Variants in RPA3 observed in about 807,000 individuals in gnomAD.
RPA3 encodes the protein replication protein A 14 kDa subunit.
Under a neutral mutation model 13.7 loss-of-function variants are expected in RPA3, and 24 were observed. The observed-to-expected ratio is 1.75, with a 90% confidence interval of 1.27 to 2.46. RPA3 has a LOEUF of 2.46. Among genes scored for constraint, RPA3 ranks in the 30% most tolerant of loss-of-function variants. The probability of loss-of-function intolerance (pLI) is 0.00; values close to 1 mark genes in which losing one functional copy is unlikely to be tolerated. For synonymous variants in RPA3, 59 were observed against 51.2 expected (o/e 1.15, Z -0.65); for missense variants, 183 against 151.0 (o/e 1.21, Z -1.11).
intron 2 of RPA3, among the ~76,000 whole-genome samples, chr7:7,712,044 T>G (rs1327344170): frequency 2.0e-5 from 3 of 152,138 alleles, no homozygotes; most frequent in African/African-American, 7.2e-5. Context: ...AGCTTACTCT[T>G]ACATATATAG....
At position 7,640,611 on chromosome 7, in the gene RPA3, G is replaced by C; in HGVS notation, c.-193C>G. On this transcript the variant is annotated 5_prime_UTR_variant, in exon 5 of 8. Coordinates refer to ENST00000223129, the MANE Select transcript of RPA3 (RefSeq NM_002947.5). ...AAGGGGTGGAGAAGGGGCTGGATGA[G>C]TCCGGAAGTGGAGATTGGCTGCTTA... 1.7e-6 allele frequency: 1 copy of C among 589,214 alleles called. No individual in the cohort carries two copies. Among genetic ancestry groups the C allele is most frequent in the Admixed American group, 3.0e-5 (1 of 33,084 alleles). 36.5% of individuals were successfully genotyped at this position (589,214 alleles called of 1,614,324 possible). A position where few individuals can be genotyped will look rare whatever the true frequency, so the allele number is the denominator to read the frequency against.
At chr7:7,667,523 T>G (rs1779496385) in intron 4 of RPA3, among the ~76,000 whole-genome samples, 1 of 152,196 alleles carries the variant, frequency 6.6e-6, no homozygotes, top group South Asian at 2.1e-4. Flanking sequence ...TGCAGTTTTT[T>G]TTCCCTAAAT....
At chr7:7,658,004 A>G (rs930393129) in intron 4 of RPA3, among the ~76,000 whole-genome samples, 2 of 152,062 alleles carry the variant, frequency 1.3e-5, no homozygotes, top group Middle Eastern at 3.2e-3. Flanking sequence ...GTGGTTTATA[A>G]TTCTTCTTGA....
intron 4 of RPA3, among the ~76,000 whole-genome samples, chr7:7,651,557 T>C (rs1785224589): frequency 6.6e-6 from 1 of 152,214 alleles, no homozygotes; most frequent in Admixed American, 6.5e-5. Flanking sequence ...TATTTTTCCA[T>C]CCTCATGTTG....
intron 4 of RPA3, among the ~76,000 whole-genome samples, chr7:7,672,081 T>C (rs1779619818): frequency 6.6e-6 from 1 of 152,212 alleles, no homozygotes; most frequent in African/African-American, 2.4e-5. Flanking sequence ...AATTTTCAGT[T>C]GCTAGAAGGC....
At chr7:7,648,192 G>T (rs1158698416) in intron 4 of RPA3, among the ~76,000 whole-genome samples, 1 of 152,172 alleles carries the variant, frequency 6.6e-6, no homozygotes, top group Non-Finnish European at 1.5e-5. Flanking sequence ...TTTCCATTAG[G>T]ACTTAATTGC....
chr7:7,646,539 T>C (rs920111191), intron 4 of RPA3, among the ~76,000 whole-genome samples: 2 of 149,554 alleles, frequency 1.3e-5, no homozygotes, highest in African/African-American at 4.9e-5. Flanking sequence ...AAGACGTACC[T>C]TTTGCTTTCC....
At chr7:7,702,965 G>A (rs1310244273) in intron 2 of RPA3, among the ~76,000 whole-genome samples, 1 of 152,152 alleles carries the variant, frequency 6.6e-6, no homozygotes, top group Non-Finnish European at 1.5e-5. Context: ...TCCTGTTGTC[G>A]TGTAAACTTA....
Position 7,640,445 on chromosome 7 carries a change from G to A in RPA3, c.-27C>T. The A allele has an allele frequency of 6.2e-7, 1 of 1,608,168 alleles. No individual in the cohort carries two copies. The highest frequency in any genetic ancestry group is 8.5e-7 in the Non-Finnish European group (1 of 1,175,726). ...ATTATGGTCCAAGACTGCGGCTGGC[G>A]GGAAACCCACGGACGACTGAAACTG... On this transcript the variant is annotated 5_prime_UTR_variant, in exon 5 of 8. Coordinates refer to ENST00000223129, the MANE Select transcript of RPA3 (RefSeq NM_002947.5).
intron 4 of RPA3, among the ~76,000 whole-genome samples, chr7:7,678,605 A>G (rs1277063059): frequency 7.4e-6 from 1 of 134,490 alleles, no homozygotes; most frequent in Non-Finnish European, 1.5e-5. Flanking sequence ...CTTAATTTAT[A>G]GATAAATATA....
chr7:7,677,664 G>GTTTTTT (rs141602455), intron 4 of RPA3, among the ~76,000 whole-genome samples: 3 of 113,500 alleles, frequency 2.6e-5, no homozygotes, highest in African/African-American at 3.6e-5. Context: ...CTGTTTTTTT[G>GTTTTTT]TTTTTTTTTT....
Position 7,640,545 on chromosome 7 carries a change from T to A in RPA3, c.-127A>T. 1.2e-6 allele frequency: 1 copy of A among 827,014 alleles called. No homozygotes were observed. The highest frequency in any genetic ancestry group is 2.0e-6 in the Non-Finnish European group (1 of 509,762). 51.2% of individuals were successfully genotyped at this position (827,014 alleles called of 1,614,324 possible). The stretch of plus-strand genomic sequence containing the variant: ...AGACTAGCGCTCCAGCTTCGCCAAT[T>A]AAATGCGCGGAAACCTAAATCGCAA... On this transcript the variant is annotated 5_prime_UTR_variant, in exon 5 of 8. Transcript: ENST00000223129.
intron 4 of RPA3, among the ~76,000 whole-genome samples, chr7:7,670,808 G>A (rs1183338100): frequency 6.6e-6 from 1 of 152,158 alleles, no homozygotes; most frequent in Non-Finnish European, 1.5e-5. Context: ...GCGAACAAAG[G>A]GAGAGAGAGA....
intron 4 of RPA3, among the ~76,000 whole-genome samples, chr7:7,646,866 A>G (rs1785107524): frequency 6.6e-6 from 1 of 152,120 alleles, no homozygotes; most frequent in South Asian, 2.1e-4. Context: ...TTTGGGGTTT[A>G]TATGGGCACA....
At chr7:7,693,772 A>G (rs542836847) in intron 2 of RPA3, among the ~76,000 whole-genome samples, 5 of 152,282 alleles carry the variant, frequency 3.3e-5, no homozygotes, top group Admixed American at 3.3e-4. Flanking sequence ...ATTTTGTAAG[A>G]TGTTTATGTG....
intron 2 of RPA3, among the ~76,000 whole-genome samples, chr7:7,696,026 T>C (rs2115145785): frequency 6.6e-6 from 1 of 151,818 alleles, no homozygotes; most frequent in East Asian, 1.9e-4. Context: ...TAATTTTTTT[T>C]TGAGATGGAG....
At chr7:7,643,435 G>T (rs924185757) in intron 4 of RPA3, among the ~76,000 whole-genome samples, 11 of 152,246 alleles carry the variant, frequency 7.2e-5, no homozygotes, top group Admixed American at 6.5e-5. Flanking sequence ...TCAGGGCCGG[G>T]CGCGGTGGCT....
chr7:7,671,118 T>A (rs528890892), intron 4 of RPA3, among the ~76,000 whole-genome samples: 1 of 152,220 alleles, frequency 6.6e-6, no homozygotes, highest in Non-Finnish European at 1.5e-5. Context: ...AATAATCATA[T>A]TACTCTTTGA....
intron 4 of RPA3, among the ~76,000 whole-genome samples, chr7:7,684,125 G>T (rs1779982136): frequency 6.6e-6 from 1 of 152,122 alleles, no homozygotes; most frequent in Admixed American, 6.5e-5. Flanking sequence ...CAATGTAAAT[G>T]CTATGTAAAC....
Sources: gnomAD v4.1 joint callset for allele counts (sites outside exome capture counted in the v4.1 genomes callset) on GRCh38, gnomAD v4.1.1 for gene constraint, MANE v1.5 for transcripts, NCBI Gene and HGNC (gene_info 2026-07-23, HGNC 2026-07-21) for gene names.